Variants in R3HDM2 observed in about 807,000 individuals in gnomAD.
R3HDM2 encodes the protein R3H domain containing 2, also known as R3H domain-containing protein 2.
Under a neutral mutation model 124.5 loss-of-function variants are expected in R3HDM2, and 38 were observed. The observed-to-expected ratio is 0.31, with a 90% CI of 0.24 to 0.40. The LOEUF is 0.40. R3HDM2 is among the 10% of genes least tolerant of loss of function. R3HDM2 has a pLI of 1.00. For synonymous variants in R3HDM2, 391 were observed against 448.0 expected (o/e 0.87, Z 1.61); for missense variants, 869 against 1,236.9 (o/e 0.70, Z 4.46).
At chr12:57,308,047 A>ATTT (rs762491267) in intron 3 of R3HDM2, among the ~76,000 whole-genome samples, 1 of 134,720 alleles carries the variant, frequency 7.4e-6, no homozygotes, top group Non-Finnish European at 1.6e-5. Flanking sequence ...TTCCAGGTGA[A>ATTT]TTTTTTTTTT....
chr12:57,287,406 T>C (rs1438793031), intron 12 of R3HDM2, among the ~76,000 whole-genome samples: 1 of 152,218 alleles, frequency 6.6e-6, no homozygotes, highest in African/African-American at 2.4e-5. Flanking sequence ...GGACTCTATC[T>C]ATCTCTACTA....
chr12:57,272,334 C>G, intron 14 of R3HDM2: 1 of 846,358 alleles, frequency 1.2e-6, no homozygotes, highest in Non-Finnish European at 2.0e-6. Context: ...GAAGAAATAG[C>G]TTTCAATATG....
intron 5 of R3HDM2, 24 bp from the exon 6 acceptor site, chr12:57,299,502 A>G (rs1040014162): frequency 2.0e-6 from 3 of 1,536,224 alleles, no homozygotes; most frequent in Non-Finnish European, 1.8e-6. Flanking sequence ...AGGATAATCA[A>G]AGGGGGAAAA....
chr12:57,336,980 A>G (rs1368921808), intron 2 of R3HDM2, among the ~76,000 whole-genome samples: 1 of 152,162 alleles, frequency 6.6e-6, no homozygotes, highest in African/African-American at 2.4e-5. Context: ...AATTATTTGT[A>G]AAAAAGTCTA....
At chr12:57,346,206 C>T (rs2060074818) in intron 2 of R3HDM2, among the ~76,000 whole-genome samples, 2 of 150,388 alleles carry the variant, frequency 1.3e-5, no homozygotes, top group South Asian at 2.1e-4. Context: ...CCTATAATCC[C>T]AGCACTTTGG....
intron 4 of R3HDM2, among the ~76,000 whole-genome samples, chr12:57,301,793 T>G (rs912930316): frequency 6.6e-6 from 1 of 152,208 alleles, no homozygotes; most frequent in African/African-American, 2.4e-5. Flanking sequence ...CAACCTTAAT[T>G]ATTACTTTTG....
intron 10 of R3HDM2, 112 bp from the exon 11 acceptor site, chr12:57,292,779 G>C: frequency 1.6e-6 from 1 of 614,938 alleles, no homozygotes. Context: ...CAAAAAAATG[G>C]AAAAAAAAAA....
At chr12:57,295,672 G>T in intron 9 of R3HDM2, 165 bp from the exon 10 acceptor site, 3 of 596,862 alleles carry the variant, frequency 5.0e-6, no homozygotes, top group South Asian at 2.0e-5. Context: ...AATCTTCAGG[G>T]TCTGTACTTT....
chr12:57,313,379 G>A (rs2054322255), intron 2 of R3HDM2, among the ~76,000 whole-genome samples: 1 of 151,810 alleles, frequency 6.6e-6, no homozygotes, highest in Non-Finnish European at 1.5e-5. Flanking sequence ...AGACAACACA[G>A]TGAGACCCTG....
At chr12:57,299,560 T>C (rs897459598) in intron 5 of R3HDM2, 82 bp from the exon 6 acceptor site, 1 of 1,367,672 alleles carries the variant, frequency 7.3e-7, no homozygotes, top group Admixed American at 2.3e-5. Context: ...AGAAGGTAAA[T>C]CTTGGGGTGG....
At chr12:57,366,001 G>A (rs1413350353) in intron 2 of R3HDM2, among the ~76,000 whole-genome samples, 2 of 151,874 alleles carry the variant, frequency 1.3e-5, no homozygotes, top group African/African-American at 4.8e-5. Flanking sequence ...AGATCTGTGG[G>A]ATTACAGTTT....
intron 12 of R3HDM2, among the ~76,000 whole-genome samples, chr12:57,287,032 T>G (rs1461482026): frequency 6.6e-6 from 1 of 152,124 alleles, no homozygotes; most frequent in Non-Finnish European, 1.5e-5. Context: ...GGGCTCCAAA[T>G]GTAACACTAC....
At chr12:57,426,345 C>A (rs1486545721) in intron 1 of R3HDM2, among the ~76,000 whole-genome samples, 1 of 152,126 alleles carries the variant, frequency 6.6e-6, no homozygotes, top group African/African-American at 2.4e-5. Flanking sequence ...GCTAAAAATG[C>A]CCCCCAAAAT....
At chr12:57,305,515 T>C (rs2052388807) in intron 3 of R3HDM2, 4 of 394,100 alleles carry the variant, frequency 1.0e-5, no homozygotes, top group Admixed American at 8.9e-5. Context: ...TTACCAACAA[T>C]ATATGAATGA....
chr12:57,254,822 G>A lies in R3HDM2; in HGVS notation c.2924C>T (p.Ala975Val), dbSNP rs779701747. 7.5e-6 allele frequency: 12 copies of A among 1,607,218 alleles called. No individual in the cohort carries two copies. The East Asian group carries it at 2.2e-4, about 30-fold the overall frequency. The change falls in exon 24 of 24, where the codon GCC (alanine) becomes GTC (valine). Residue 975 changes from alanine (A) to valine (V), a missense_variant. Transcript: ENST00000402412. Reference sequence around the variant, plus strand: ...GATCCTCAGGTCATAGTTCTTTTTGGCCATTCGAAGTTTGAAGCGACTCAC... The same window carrying A: ...GATCCTCAGGTCATAGTTCTTTTTGACCATTCGAAGTTTGAAGCGACTCAC... ...NSVSRFKLRM[A>V]KKNYDLRILE...
chr12:57,259,712 C>T (rs1392394685), intron 19 of R3HDM2, among the ~76,000 whole-genome samples: 1 of 152,180 alleles, frequency 6.6e-6, no homozygotes, highest in African/African-American at 2.4e-5. Flanking sequence ...TCTTATTGAA[C>T]ATTTGCTATG....
chr12:57,269,154 T>C, intron 16 of R3HDM2, 72 bp from the exon 17 acceptor site: 1 of 1,578,716 alleles, frequency 6.3e-7, no homozygotes, highest in Non-Finnish European at 8.6e-7. Context: ...GTAATTTCCT[T>C]CTCCATTCTA....
At chr12:57,359,754 C>G in intron 2 of R3HDM2, among the ~76,000 whole-genome samples, 1 of 145,666 alleles carries the variant, frequency 6.9e-6, no homozygotes. Flanking sequence ...TCCTTTTTCT[C>G]TCATCTTTTA....
intron 2 of R3HDM2, among the ~76,000 whole-genome samples, chr12:57,346,099 G>A (rs2060057507): frequency 6.6e-6 from 1 of 150,768 alleles, no homozygotes; most frequent in Non-Finnish European, 1.5e-5. Context: ...AGAGGTTGCA[G>A]TGAGCCAAGA....
Sources: gnomAD v4.1 joint callset for allele counts (sites outside exome capture counted in the v4.1 genomes callset) on GRCh38, gnomAD v4.1.1 for gene constraint, MANE v1.5 for transcripts, NCBI Gene and HGNC (gene_info 2026-07-23, HGNC 2026-07-21) for gene names.